ENTR1: variants seen among roughly 807,000 people sequenced by gnomAD.
ENTR1 encodes endosome-associated-trafficking regulator 1.
ENTR1 carries 47 observed loss-of-function variants against 47.9 expected under a neutral mutation model. That is an observed-to-expected ratio of 0.98 (90% CI 0.78 to 1.25). ENTR1 has a LOEUF of 1.25. Ranked by LOEUF, ENTR1 falls within the 50% of genes most tolerant of loss-of-function variation. ENTR1 has a pLI of 0.00. For synonymous variants in ENTR1, 290 were observed against 245.8 expected (o/e 1.18, Z -1.68); for missense variants, 668 against 570.5 (o/e 1.17, Z -1.74).
rs556564485 is a variant in ENTR1, at chr9:136,405,387, G to A, written c.894-185C>T. 1.1e-4 allele frequency: 61 copies of A among 573,296 alleles called. No individual in the cohort carries two copies. The Middle Eastern group carries it at 1.6e-3, about 15-fold the overall frequency. 35.5% of individuals were successfully genotyped at this position (573,296 alleles called of 1,614,324 possible). A position where few individuals can be genotyped will look rare whatever the true frequency, so the allele number is the denominator to read the frequency against. On this transcript the variant is annotated intron_variant, in intron 6 of 9. Transcript: ENST00000357365. Reference sequence around the variant, plus strand: ...GCCACCAGGCAGGCGTGCAGGGAGCGGCTCTCACAGCACTGCTGCTCCAAC... The same window carrying A: ...GCCACCAGGCAGGCGTGCAGGGAGCAGCTCTCACAGCACTGCTGCTCCAAC...
Position 136,407,610 on chromosome 9 carries a change from G to C in ENTR1, c.403-49C>G, listed in dbSNP as rs372567013. ...ACAATGGAGGCCATGCTTCTGACTCGGAGCGCATCTTCCTTTCTGTGTTCT... is the reference window on the plus strand; with the variant it reads ...ACAATGGAGGCCATGCTTCTGACTCCGAGCGCATCTTCCTTTCTGTGTTCT... On this transcript the variant is annotated intron_variant, in intron 4 of 9. Transcript: ENST00000357365. The C allele has an allele frequency of 1.4e-4, 203 of 1,502,664 alleles. No individual in the cohort carries two copies. The African/African-American group carries it at 2.5e-3, about 19-fold the overall frequency. The allele number at this position is 1,502,664 out of a possible 1,614,324, so 93.1% of individuals were successfully genotyped here.
chr9:136,405,031 A>G (rs1272170310), intron 7 of ENTR1, 60 bp downstream of exon 7: 14 of 1,336,080 alleles, frequency 1.0e-5, no homozygotes, highest in Non-Finnish European at 1.5e-5. Context: ...GGACAACAGC[A>G]CTTTCTCAGG....
chr9:136,402,747 G>A lies in ENTR1; in HGVS notation c.*41C>T. The stretch of plus-strand genomic sequence containing the variant: ...TTTAGATCGAGCGGTGGTGACCTCA[G>A]GGTATACACGGAGCTTCATGCTGAG... On this transcript the variant is annotated 3_prime_UTR_variant, in exon 10 of 10. Transcript: ENST00000357365. 3 of 1,366,052 alleles carry A rather than the reference G, an allele frequency of 2.2e-6. No homozygotes were observed. The highest frequency in any genetic ancestry group is 3.1e-6 in the Non-Finnish European group (3 of 957,206). The allele number at this position is 1,366,052 out of a possible 1,614,324, so 84.6% of individuals were successfully genotyped here.
At chr9:136,407,072 T>C (rs1003099807) in intron 5 of ENTR1, 73 bp downstream of exon 5, 202 of 1,459,052 alleles carry the variant, frequency 1.4e-4, no homozygotes, top group Middle Eastern at 2.6e-4. Flanking sequence ...AGAGGTAGGA[T>C]GGCTCCAGGT....
At position 136,407,822 on chromosome 9, in the gene ENTR1, T is replaced by C. The variant is rs1261223575; in HGVS notation, c.402+4A>G. The C allele has an allele frequency of 6.2e-7, 1 of 1,602,156 alleles. No individual in the cohort carries two copies. The highest frequency in any genetic ancestry group is 1.7e-5 in the Admixed American group (1 of 59,994). ...AGCCATCGCCCACAGTGCCGTGGAT[T>C]TACCTTTGCATAAATTCTGCTGGCC... On this transcript the variant is annotated splice_donor_region_variant and intron_variant, in intron 4 of 9. Coordinates refer to ENST00000357365, the MANE Select transcript of ENTR1 (RefSeq NM_001039707.2).
intron 7 of ENTR1, 60 bp downstream of exon 7, chr9:136,405,031 A>C: frequency 7.5e-7 from 1 of 1,336,198 alleles, no homozygotes. Flanking sequence ...GGACAACAGC[A>C]CTTTCTCAGG....
intron 9 of ENTR1, 35 bp downstream of exon 9, chr9:136,404,020 C>T: frequency 6.4e-7 from 1 of 1,555,622 alleles, no homozygotes; most frequent in Non-Finnish European, 8.7e-7. Flanking sequence ...CACCCCTTTC[C>T]CCGCCAGGCT....
Position 136,410,126 on chromosome 9 carries a change from C to CAT in ENTR1, c.182_183dup (p.Val62MetfsTer55). On this transcript the variant is annotated frameshift_variant, in exon 2 of 10. Coordinates refer to ENST00000357365, the MANE Select transcript of ENTR1 (RefSeq NM_001039707.2). LOFTEE classifies it high-confidence loss of function. ...ACGGAAGCCAGCACCGGGCTGGGCA[C>CAT]ATAGCACATAAAGGCCGGCCGAATG... 6.2e-7 allele frequency: 1 copy of CAT among 1,612,872 alleles called. No homozygotes were observed. The highest frequency in any genetic ancestry group is 8.5e-7 in the Non-Finnish European group (1 of 1,179,958).
intron 9 of ENTR1, among the ~76,000 whole-genome samples, chr9:136,403,255 G>A (rs1834579316): frequency 1.4e-5 from 2 of 143,000 alleles, no homozygotes; most frequent in Admixed American, 1.4e-4. Flanking sequence ...GGGTTCCAGG[G>A]AGAAAGGGAC....
rs531168552 is a variant in ENTR1 at position 136,409,068 on chromosome 9, C to A, written c.221-1G>T. On this transcript the variant is annotated splice_acceptor_variant, in intron 2 of 9. Coordinates refer to ENST00000357365, the MANE Select transcript of ENTR1 (RefSeq NM_001039707.2). LOFTEE classifies it high-confidence loss of function. ...CATTTCCCCTTTCCATAGCCAAAAT[C>A]TGCAAAGAAACAATGTCACCCACCA... 12 of 1,613,848 alleles carry A rather than the reference C, an allele frequency of 7.4e-6. No individual in the cohort carries two copies. The Middle Eastern group carries it at 6.6e-4, about 89-fold the overall frequency.
rs377619037 is a variant in ENTR1 at position 136,407,825 on chromosome 9, C to T, written c.402+1G>A. 1 of 1,605,548 alleles carries T rather than the reference C, an allele frequency of 6.2e-7. No individual in the cohort carries two copies. Among genetic ancestry groups the T allele is most frequent in the Non-Finnish European group, 8.5e-7 (1 of 1,172,226 alleles). ...CATCGCCCACAGTGCCGTGGATTTA[C>T]CTTTGCATAAATTCTGCTGGCCGGA... is the stretch of plus-strand genomic sequence containing the variant. On this transcript the variant is annotated splice_donor_variant, in intron 4 of 9. Transcript: ENST00000357365. LOFTEE classifies it high-confidence loss of function.
In ENTR1 at chr9:136,407,156, T is replaced by C; in HGVS notation, c.808A>G (p.Ser270Gly). 6.3e-7 allele frequency: 1 copy of C among 1,597,160 alleles called. No homozygotes were observed. Among genetic ancestry groups the C allele is most frequent in the Non-Finnish European group, 8.6e-7 (1 of 1,168,484 alleles). ...TGAGGCTCACTTACTGCGTCGTAAC[T>C]TATCTGCAGCGTCCGCAGGTGCCTG... The part of the protein sequence containing the change: ...GDRHLRTLQI[S>G]YDALKDENSK... The change falls in exon 5 of 10, where the codon AGT becomes GGT. Residue 270 changes from serine to glycine, a missense_variant. Ser to Gly is a moderately conservative substitution (Grantham distance 56). Coordinates refer to ENST00000357365, the MANE Select transcript of ENTR1 (RefSeq NM_001039707.2).
Position 136,403,872 on chromosome 9 carries a change from T to G in ENTR1, c.1208+183A>C, listed in dbSNP as rs572334603. The G allele has an allele frequency of 1.3e-3, 847 of 659,782 alleles. 11 individuals are homozygous for G. The South Asian group carries it at 0.018, about 14-fold the overall frequency. The allele number at this position is 659,782 out of a possible 1,614,324, so 40.9% of individuals were successfully genotyped here. On this transcript the variant is annotated intron_variant, in intron 9 of 9. Coordinates refer to ENST00000357365, the MANE Select transcript of ENTR1 (RefSeq NM_001039707.2). ...ACACTGCGAGGCAGGTTAGAAAGCCTGTGGTCTGTCCACACAGTGACCCAG... is the reference window on the plus strand; with the variant it reads ...ACACTGCGAGGCAGGTTAGAAAGCCGGTGGTCTGTCCACACAGTGACCCAG...
chr9:136,405,860 G>A (rs1427504531), intron 6 of ENTR1, 45 bp downstream of exon 6: 2 of 1,187,918 alleles, frequency 1.7e-6, no homozygotes, highest in African/African-American at 1.5e-5. Flanking sequence ...ATTTCCCTGT[G>A]TATTAGATGT....
rs1285010756 is a variant in ENTR1, at chr9:136,405,981, G to A, written c.820-3C>T. Reference sequence around the variant, plus strand: ...AGCTTAGAATTTTCATCTTTCAGCTGTGGAGAGAGAACATCCTTATTAGAA... The same window carrying A: ...AGCTTAGAATTTTCATCTTTCAGCTATGGAGAGAGAACATCCTTATTAGAA... On this transcript the variant is annotated splice_polypyrimidine_tract_variant and splice_region_variant and intron_variant, in intron 5 of 9. Coordinates refer to ENST00000357365, the MANE Select transcript of ENTR1 (RefSeq NM_001039707.2). 3 of 1,605,874 alleles carry A rather than the reference G, an allele frequency of 1.9e-6. No homozygotes were observed. Among genetic ancestry groups the A allele is most frequent in the Admixed American group, 1.7e-5 (1 of 59,000 alleles).
rs374559559 is a variant in ENTR1 at position 136,410,227 on chromosome 9, T to C, written c.83A>G (p.Tyr28Cys). 19 of 1,582,024 alleles carry C rather than the reference T, an allele frequency of 1.2e-5. No homozygotes were observed. The highest frequency in any genetic ancestry group is 8.1e-5 in the African/African-American group (6 of 74,288). ...CTGGGGGAGACAAGACCGGCGCTCA[T>C]AGAACGCTGGAGCTGGAAGCAACGA... The part of the protein sequence containing the change: ...SLAIPDAPAF[Y>C]ERRSCLPQLN... The change falls in exon 2 of 10, where the codon TAT (tyrosine) becomes TGT (cysteine). Residue 28 changes from tyrosine to cysteine, a missense_variant. Tyr to Cys is a radical substitution (Grantham distance 194). Coordinates refer to ENST00000357365, the MANE Select transcript of ENTR1 (RefSeq NM_001039707.2).
At chr9:136,407,100 G>A (rs746138180) in intron 5 of ENTR1, 45 bp downstream of exon 5, 14 of 1,530,666 alleles carry the variant, frequency 9.1e-6, no homozygotes, top group Admixed American at 3.9e-5. Context: ...GGGAGAAGCC[G>A]CTCGGACAGG....
Position 136,408,081 on chromosome 9 carries a change from C to A in ENTR1, c.290-143G>T, listed in dbSNP as rs1293502671. 4.9e-6 allele frequency: 3 copies of A among 615,398 alleles called. No homozygotes were observed. The East Asian group carries it at 8.2e-5, about 17-fold the overall frequency. The allele number at this position is 615,398 out of a possible 1,614,324, so 38.1% of individuals were successfully genotyped here. A position where few individuals can be genotyped will look rare whatever the true frequency, so the allele number is the denominator to read the frequency against. ...TCATTCTACCATGACTCAGGCAGCA[C>A]TAGGAAGTGTGAAGGTGGCTGAAGG... On this transcript the variant is annotated intron_variant, in intron 3 of 9. Transcript: ENST00000357365.
chr9:136,404,214 T>C lies in ENTR1; in HGVS notation c.1069-20A>G, dbSNP rs971262853. On this transcript the variant is annotated intron_variant, in intron 8 of 9. Coordinates refer to ENST00000357365, the MANE Select transcript of ENTR1 (RefSeq NM_001039707.2). Reference sequence around the variant, plus strand: ...CTGCGCCTGGGGGGACGGTTACGGCTAAGGACAGAGCAGCTCCGAGGCAAC... The same window carrying C: ...CTGCGCCTGGGGGGACGGTTACGGCCAAGGACAGAGCAGCTCCGAGGCAAC... 1.9e-6 allele frequency: 3 copies of C among 1,596,570 alleles called. No homozygotes were observed. The highest frequency in any genetic ancestry group is 2.6e-6 in the Non-Finnish European group (3 of 1,169,780).
Sources: allele counts gnomAD v4.1 joint callset (sites outside exome capture counted in the v4.1 genomes callset), GRCh38; gene constraint gnomAD v4.1.1; transcripts MANE v1.5; gene names NCBI Gene and HGNC (gene_info 2026-07-23, HGNC 2026-07-21).